Variants in LRRC4C observed in about 807,000 individuals in gnomAD.
LRRC4C encodes leucine-rich repeat-containing protein 4C.
In LRRC4C, 5 loss-of-function variants were observed where a neutral mutation model predicts 33.6. The ratio of observed to expected loss-of-function variants is 0.15; its 90% CI spans 0.08 to 0.31. LRRC4C has a LOEUF of 0.31. Ranked by LOEUF, LRRC4C falls within the 10% of genes least tolerant of loss-of-function variation. LRRC4C has a pLI of 1.00. For missense variants in LRRC4C, 560 were observed against 796.7 expected (o/e 0.70, Z 3.58); for synonymous variants, 329 against 302.0 (o/e 1.09, Z -0.93).
chr11:41,300,510 C>A (rs1395774437), intron 1 of LRRC4C, among the ~76,000 whole-genome samples: 1 of 152,166 alleles, frequency 6.6e-6, no homozygotes, highest in Non-Finnish European at 1.5e-5. Context: ...AACTCTGGAA[C>A]TAACGTCCTC....
chr11:41,245,482 G>A (rs1228007585), intron 1 of LRRC4C, among the ~76,000 whole-genome samples: 1 of 152,216 alleles, frequency 6.6e-6, no homozygotes, highest in Admixed American at 6.5e-5. Flanking sequence ...CGAGGCTGTG[G>A]CTAGACCAGG....
chr11:40,340,154 G>A (rs1338296409), intron 3 of LRRC4C, among the ~76,000 whole-genome samples: 9 of 152,070 alleles, frequency 5.9e-5, no homozygotes, highest in Admixed American at 2.6e-4. Flanking sequence ...GCCCAAGCAC[G>A]TGGTTATTTC....
intron 5 of LRRC4C, among the ~76,000 whole-genome samples, chr11:40,142,667 T>A (rs1435980267): frequency 6.6e-6 from 1 of 152,124 alleles, no homozygotes; most frequent in Non-Finnish European, 1.5e-5. Context: ...CATTGCTGGT[T>A]GTGTCTTGTC....
chr11:40,271,616 T>A lies in LRRC4C; in HGVS notation c.-175-30018A>T, dbSNP rs536227868. On this transcript the variant is annotated intron_variant, in intron 4 of 6. Transcript: ENST00000528697. ...ATGTAGGCTTTGGCATTTCTCTGCCTCCTGAAGCCACTAAGGCAGTATTTC... is the reference window on the plus strand; with the variant it reads ...ATGTAGGCTTTGGCATTTCTCTGCCACCTGAAGCCACTAAGGCAGTATTTC... Among the ~76,000 whole-genome samples, 17 of 152,292 alleles carry A rather than the reference T, an allele frequency of 1.1e-4. No homozygotes were observed. In the South Asian group the frequency reaches 3.5e-3, roughly 32 times the overall value.
At chr11:41,200,433 A>G (rs146654639) in intron 1 of LRRC4C, among the ~76,000 whole-genome samples, 124 of 152,064 alleles carry the variant, frequency 8.2e-4, no homozygotes, top group African/African-American at 2.9e-3. Context: ...CTGGTTCTGC[A>G]TTTTTTTCTT....
chr11:40,727,719 T>C (rs758195421), intron 2 of LRRC4C, among the ~76,000 whole-genome samples: 1 of 151,846 alleles, frequency 6.6e-6, no homozygotes, highest in African/African-American at 2.4e-5. Context: ...AAAAAACATA[T>C]AACCCTATTA....
chr11:40,680,752 G>T (rs1398295338), intron 2 of LRRC4C, among the ~76,000 whole-genome samples: 1 of 152,142 alleles, frequency 6.6e-6, no homozygotes, highest in Non-Finnish European at 1.5e-5. Context: ...CCAATCTCAG[G>T]TATGTCTTTA....
chr11:40,734,317 T>C (rs1007422154), intron 2 of LRRC4C, among the ~76,000 whole-genome samples: 2 of 152,176 alleles, frequency 1.3e-5, no homozygotes, highest in African/African-American at 4.8e-5. Context: ...CTAAAATACA[T>C]TGAACTTTAT....
chr11:41,360,515 A>T (rs1376446112), intron 1 of LRRC4C, among the ~76,000 whole-genome samples: 2 of 152,182 alleles, frequency 1.3e-5, no homozygotes, highest in Non-Finnish European at 2.9e-5. Flanking sequence ...GCTACAATGG[A>T]ATAGCATGGT....
chr11:41,022,160 A>ATG (rs1555043578), intron 1 of LRRC4C, among the ~76,000 whole-genome samples: 1 of 147,710 alleles, frequency 6.8e-6, no homozygotes, highest in African/African-American at 2.5e-5. Context: ...ATATATATAT[A>ATG]TATATGTATA....
intron 1 of LRRC4C, among the ~76,000 whole-genome samples, chr11:41,156,220 T>G (rs1360110629): frequency 6.6e-6 from 1 of 152,064 alleles, no homozygotes; most frequent in East Asian, 1.9e-4. Flanking sequence ...CTCTTGATAT[T>G]ATTACACTGA....
intron 1 of LRRC4C, among the ~76,000 whole-genome samples, chr11:41,018,133 T>C (rs1855720906): frequency 6.6e-6 from 1 of 152,168 alleles, no homozygotes; most frequent in African/African-American, 2.4e-5. Flanking sequence ...AGACTGCAAA[T>C]TTAAAAATAA....
chr11:41,396,482 T>C (rs1368550553), intron 1 of LRRC4C, among the ~76,000 whole-genome samples: 1 of 152,044 alleles, frequency 6.6e-6, no homozygotes, highest in African/African-American at 2.4e-5. Context: ...TGTCTTCACT[T>C]TCTGATCTCT....
chr11:41,304,536 C>A (rs1336793229), intron 1 of LRRC4C, among the ~76,000 whole-genome samples: 7 of 117,002 alleles, frequency 6.0e-5, no homozygotes, highest in African/African-American at 2.3e-4. Context: ...GGGTATCAGC[C>A]CCCCGCCCGG....
chr11:40,974,442 G>T (rs1851937582), intron 1 of LRRC4C, among the ~76,000 whole-genome samples: 1 of 152,138 alleles, frequency 6.6e-6, no homozygotes, highest in South Asian at 2.1e-4. Flanking sequence ...TTAAAATGAT[G>T]CCAAATGCTA....
At chr11:40,161,833 A>G (rs1477456388) in intron 5 of LRRC4C, among the ~76,000 whole-genome samples, 1 of 152,208 alleles carries the variant, frequency 6.6e-6, no homozygotes, top group Non-Finnish European at 1.5e-5. Flanking sequence ...TCTGTGCTGA[A>G]CAATTTACAG....
At position 40,588,731 on chromosome 11, in the gene LRRC4C, G is replaced by A. The variant is rs191669514; in HGVS notation, c.-270+59411C>T. Among the ~76,000 whole-genome samples, 728 of 152,032 alleles carry A rather than the reference G, an allele frequency of 4.8e-3. 3 individuals are homozygous for A. The highest frequency in any genetic ancestry group is 0.017 in the African/African-American group (695 of 41,470). The stretch of plus-strand genomic sequence containing the variant: ...CTTTATTTCTGCCTTCATTTCGTTC[G>A]GTACCCAGTAGTCGTTCAGGAGCAG... On this transcript the variant is annotated intron_variant, in intron 3 of 6. Coordinates refer to ENST00000528697, the MANE Select transcript of LRRC4C (RefSeq NM_001258419.2).
chr11:41,181,926 G>A (rs1305461574), intron 1 of LRRC4C, among the ~76,000 whole-genome samples: 2 of 151,988 alleles, frequency 1.3e-5, no homozygotes, highest in African/African-American at 4.8e-5. Context: ...ACTTAAATTT[G>A]TTTTCCCTTT....
chr11:40,729,260 C>T (rs1947444078), intron 2 of LRRC4C, among the ~76,000 whole-genome samples: 1 of 152,112 alleles, frequency 6.6e-6, no homozygotes, highest in Non-Finnish European at 1.5e-5. Context: ...GCACATGTTG[C>T]AATGTCTAAT....
Sources: allele counts gnomAD v4.1 joint callset (sites outside exome capture counted in the v4.1 genomes callset), GRCh38; gene constraint gnomAD v4.1.1; transcripts MANE v1.5; gene names NCBI Gene and HGNC (gene_info 2026-07-23, HGNC 2026-07-21).